Variants in DYSF observed in about 807,000 individuals in gnomAD.
DYSF encodes dysferlin.
In DYSF, 212 loss-of-function variants were observed where a neutral mutation model predicts 274.9. The ratio of observed to expected loss-of-function variants is 0.77; its 90% CI spans 0.69 to 0.86. The LOEUF (loss-of-function observed/expected upper bound fraction) is 0.86. Ranked by LOEUF, DYSF falls within the 40% of genes least tolerant of loss-of-function variation. The probability of loss-of-function intolerance (pLI) is 0.00; values close to 1 mark genes in which losing one functional copy is unlikely to be tolerated. For synonymous variants in DYSF, 1,091 were observed against 1,078.7 expected (o/e 1.01, Z -0.22); for missense variants, 2,666 against 2,783.2 (o/e 0.96, Z 0.95).
At position 71,668,779 on chromosome 2, in the gene DYSF, T is replaced by C. The variant is rs727503914; in HGVS notation, c.5483T>C (p.Leu1828Pro). ...GGGAAGCTGCAGATGTGGGTCGACC[T>C]ATTTCCGAAGGCCCTGGGGCGGCCT... ...EQGKLQMWVD[L>P]FPKALGRPGP... Residue 1828 changes from leucine (L) to proline (P), a missense_variant, in exon 49 of 56, where the codon CTA (leucine) becomes CCA (proline). Physicochemically the swap from Leu to Pro is moderately conservative, Grantham distance 98 (BLOSUM62 -3). Coordinates refer to ENST00000410020, the MANE Select transcript of DYSF (RefSeq NM_001130987.2). The C allele has an allele frequency of 1.2e-6, 2 of 1,613,804 alleles. No homozygotes were observed. Among genetic ancestry groups the C allele is most frequent in the Non-Finnish European group, 1.7e-6 (2 of 1,180,002 alleles).
chr2:71,560,736 A>G (rs1168558870), intron 22 of DYSF, among the ~76,000 whole-genome samples: 1 of 152,204 alleles, frequency 6.6e-6, no homozygotes, highest in Non-Finnish European at 1.5e-5. Flanking sequence ...ATTGGCAGAA[A>G]AATAAATCAG....
intron 14 of DYSF, among the ~76,000 whole-genome samples, chr2:71,530,919 C>T (rs573509389): frequency 6.6e-6 from 1 of 152,134 alleles, no homozygotes; most frequent in Admixed American, 6.5e-5. Flanking sequence ...TTATGGACAC[C>T]TGGTGGCAGT....
intron 45 of DYSF, among the ~76,000 whole-genome samples, 168 bp downstream of exon 45, chr2:71,660,819 A>T (rs2094865934): frequency 6.6e-6 from 1 of 152,202 alleles, no homozygotes; most frequent in African/African-American, 2.4e-5. Context: ...GCCCTTCTTT[A>T]GCTGCTAAAG....
chr2:71,480,704 G>A (rs1160163673), intron 1 of DYSF, among the ~76,000 whole-genome samples, 179 bp from the exon 2 acceptor site: 1 of 152,204 alleles, frequency 6.6e-6, no homozygotes, highest in Non-Finnish European at 1.5e-5. Context: ...AGAGGGGGAA[G>A]TTGTGTGATT....
chr2:71,553,750 C>T, intron 20 of DYSF, 57 bp from the exon 21 acceptor site: 1 of 1,011,274 alleles, frequency 9.9e-7, no homozygotes, highest in Non-Finnish European at 1.5e-6. Context: ...TCTTAGCACC[C>T]CATCCCACCC....
chr2:71,513,872 G>A lies in DYSF; in HGVS notation c.710G>A (p.Ser237Asn), dbSNP rs767109415. The A allele has an allele frequency of 1.9e-6, 3 of 1,614,206 alleles. No individual in the cohort carries two copies. The highest frequency in any genetic ancestry group is 2.5e-6 in the Non-Finnish European group (3 of 1,180,030). Residue 237 changes from serine (S) to asparagine (N), a missense_variant, in exon 7 of 56, where the codon AGT (serine) becomes AAT (asparagine). Physicochemically the swap from Ser to Asn is conservative, Grantham distance 46. This residue lies in a region of DYSF where 794 missense variants were observed against 777.1 expected (regional missense o/e 1.02). Transcript: ENST00000410020. ...PHYPGIKRKR[S>N]APTSRKLLSD... ...TACCCCGGGATCAAAAGAAAGCGAA[G>A]TGCGCCTACATCTAGAAAGCTGCTG...
intron 12 of DYSF, among the ~76,000 whole-genome samples, chr2:71,525,929 G>A (rs186163195): frequency 7.2e-5 from 11 of 152,288 alleles, no homozygotes; most frequent in Admixed American, 4.6e-4. Flanking sequence ...GCGGGAAGGA[G>A]ACTGAGGTTG....
chr2:71,478,857 T>C (rs2082636056), intron 1 of DYSF, among the ~76,000 whole-genome samples: 1 of 152,052 alleles, frequency 6.6e-6, no homozygotes, highest in South Asian at 2.1e-4. Flanking sequence ...TCTCCTCTTC[T>C]TCAAATCCTC....
chr2:71,638,624 T>A (rs947781485), intron 41 of DYSF, among the ~76,000 whole-genome samples: 1 of 152,220 alleles, frequency 6.6e-6, no homozygotes, highest in Non-Finnish European at 1.5e-5. Context: ...AGCATAAGGT[T>A]TTCTAGGTTC....
At chr2:71,543,737 CTG>C (rs1448185170) in intron 17 of DYSF, among the ~76,000 whole-genome samples, 1 of 152,226 alleles carries the variant, frequency 6.6e-6, no homozygotes, top group Non-Finnish European at 1.5e-5. Context: ...CGGCGCGCGC[CTG>C]CAATCGCAGG....
intron 42 of DYSF, among the ~76,000 whole-genome samples, chr2:71,646,889 A>G (rs945467600): frequency 3.9e-5 from 6 of 152,210 alleles, no homozygotes; most frequent in Non-Finnish European, 2.9e-5. Context: ...TTGGAAAACA[A>G]TATTTTAGCA....
intron 3 of DYSF, among the ~76,000 whole-genome samples, chr2:71,489,246 C>T (rs957918409): frequency 6.6e-6 from 1 of 152,080 alleles, no homozygotes; most frequent in African/African-American, 2.4e-5. Context: ...TCCCACTGAC[C>T]CAGCCCTCTC....
chr2:71,666,662 C>A (rs1413217385), intron 47 of DYSF, among the ~76,000 whole-genome samples: 1 of 152,226 alleles, frequency 6.6e-6, no homozygotes, highest in Non-Finnish European at 1.5e-5. Flanking sequence ...GACCCATTCC[C>A]TAGCAGGGAG....
chr2:71,670,729 T>C (rs2095105230), intron 51 of DYSF, among the ~76,000 whole-genome samples: 1 of 152,196 alleles, frequency 6.6e-6, no homozygotes, highest in South Asian at 2.1e-4. Flanking sequence ...AGCCAGCCTC[T>C]TCCTGGTAGG....
intron 41 of DYSF, among the ~76,000 whole-genome samples, chr2:71,629,049 A>C (rs1642059871): frequency 6.6e-6 from 1 of 152,182 alleles, no homozygotes. Flanking sequence ...TTATCTCTTC[A>C]AATGTTACAG....
chr2:71,526,571 C>T (rs1463370123), intron 13 of DYSF, among the ~76,000 whole-genome samples: 1 of 152,222 alleles, frequency 6.6e-6, no homozygotes, highest in Non-Finnish European at 1.5e-5. Context: ...GTCCTCTGGG[C>T]CTGGTCTGGC....
At chr2:71,656,831 T>G (rs2094782920) in intron 43 of DYSF, among the ~76,000 whole-genome samples, 1 of 152,150 alleles carries the variant, frequency 6.6e-6, no homozygotes, top group South Asian at 2.1e-4. Flanking sequence ...TACCTCCTCC[T>G]GGGTCCCTCC....
chr2:71,643,212 G>A (rs2094514713), intron 41 of DYSF, among the ~76,000 whole-genome samples: 1 of 152,196 alleles, frequency 6.6e-6, no homozygotes, highest in African/African-American at 2.4e-5. Context: ...ACCATGTACA[G>A]GAGGAGTTAA....
In DYSF at chr2:71,660,181, T is replaced by C. The variant is rs184107375; in HGVS notation, c.4912-379T>C. Among the ~76,000 whole-genome samples the C allele has an allele frequency of 1.9e-3, 288 of 152,332 alleles. 2 individuals are homozygous for C. Among genetic ancestry groups the C allele is most frequent in the African/African-American group, 6.5e-3 (271 of 41,582 alleles). Reference sequence around the variant, plus strand: ...CTCCCTGGGCTAGCCTAGGCTGACATAGGCTGACCACCCCTCTCTCATTCC... The same window carrying C: ...CTCCCTGGGCTAGCCTAGGCTGACACAGGCTGACCACCCCTCTCTCATTCC... On this transcript the variant is annotated intron_variant, in intron 44 of 55. Transcript: ENST00000410020.
Sources: allele counts gnomAD v4.1 joint callset (sites outside exome capture counted in the v4.1 genomes callset), GRCh38; gene constraint gnomAD v4.1.1; regional missense constraint gnomAD v4.1.1; transcripts MANE v1.5; gene names NCBI Gene and HGNC (gene_info 2026-07-23, HGNC 2026-07-21).